The following DLG2 variants were observed in gnomAD, a reference collection of about 807,000 sequenced individuals.
DLG2 encodes the protein discs large MAGUK scaffold protein 2.
A neutral mutation model predicts 132.5 loss-of-function variants in DLG2; 45 were observed. The observed-to-expected ratio is 0.34, with a 90% CI of 0.27 to 0.44. The LOEUF is 0.44. DLG2 is among the 20% of genes least tolerant of loss of function. The pLI, the probability that DLG2 is intolerant of heterozygous loss-of-function variation, is 1.00. For missense variants in DLG2, 1,045 were observed against 1,196.9 expected (o/e 0.87, Z 1.87); for synonymous variants, 424 against 419.6 (o/e 1.01, Z -0.13).
At chr11:85,513,400 T>C (rs75017494) in intron 3 of DLG2, among the ~76,000 whole-genome samples, 5,399 of 151,952 alleles carry the variant, frequency 0.036, 146 homozygotes, top group Admixed American at 0.053. Flanking sequence ...AAGGTAAACA[T>C]TATGGATTTT....
intron 11 of DLG2, among the ~76,000 whole-genome samples, chr11:84,037,470 T>C (rs915977666): frequency 6.6e-6 from 1 of 152,136 alleles, no homozygotes; most frequent in African/African-American, 2.4e-5. Flanking sequence ...TTTGATTCAC[T>C]TTGGTTAATG....
chr11:85,376,804 T>A (rs1207091422), intron 3 of DLG2, among the ~76,000 whole-genome samples: 1 of 152,196 alleles, frequency 6.6e-6, no homozygotes, highest in Non-Finnish European at 1.5e-5. Flanking sequence ...GACTGTGGTA[T>A]GATAGTGAGA....
chr11:85,586,349 G>C (rs565921472), intron 3 of DLG2, among the ~76,000 whole-genome samples: 1 of 151,802 alleles, frequency 6.6e-6, no homozygotes, highest in Non-Finnish European at 1.5e-5. Context: ...ACTTTTTTTT[G>C]TTGGTAACTT....
chr11:85,506,886 T>C (rs968811185), intron 3 of DLG2, among the ~76,000 whole-genome samples: 1 of 151,996 alleles, frequency 6.6e-6, no homozygotes, highest in African/African-American at 2.4e-5. Flanking sequence ...ACTTGCTTTA[T>C]GAATCTGGGT....
Position 84,343,580 on chromosome 11 carries a change from G to A in DLG2, c.520-92289C>T, listed in dbSNP as rs145916138. Among the ~76,000 whole-genome samples, 12 of 152,274 alleles carry A rather than the reference G, an allele frequency of 7.9e-5. No homozygotes were observed. In the East Asian group the frequency reaches 1.7e-3, roughly 22 times the overall value. On this transcript the variant is annotated intron_variant, in intron 7 of 27. Transcript: ENST00000376104. ...GAAACATCAGATGTTTAACACACAC[G>A]GAGCATTTGGAGAAGTGTTCAACAG...
At chr11:84,029,528 A>T (rs2095633835) in intron 11 of DLG2, among the ~76,000 whole-genome samples, 1 of 152,142 alleles carries the variant, frequency 6.6e-6, no homozygotes. Context: ...TAAATCATAG[A>T]GTATTAGTTG....
In DLG2 at chr11:83,806,332, A is replaced by G. The variant is rs556766904; in HGVS notation, c.1723-19540T>C. Among the ~76,000 whole-genome samples, 100 of 152,206 alleles carry G rather than the reference A, an allele frequency of 6.6e-4. 1 individual carries two copies. The highest frequency in any genetic ancestry group is 9.0e-4 in the Non-Finnish European group (61 of 68,030). On this transcript the variant is annotated intron_variant, in intron 17 of 27. Coordinates refer to ENST00000376104, the MANE Select transcript of DLG2 (RefSeq NM_001142699.3). ...GCAAGTAAACTGTGAACATCTTTCT[A>G]TCTTAACCTTCAGGTAACCACTGAT...
intron 6 of DLG2, among the ~76,000 whole-genome samples, chr11:85,001,638 A>AT (rs2058222348): frequency 6.6e-6 from 1 of 152,166 alleles, no homozygotes; most frequent in African/African-American, 2.4e-5. Flanking sequence ...AGCACAGAGG[A>AT]TTTTTTAAGG....
intron 18 of DLG2, among the ~76,000 whole-genome samples, chr11:83,673,970 C>T (rs997408062): frequency 6.6e-6 from 1 of 152,218 alleles, no homozygotes; most frequent in Non-Finnish European, 1.5e-5. Context: ...TCTCCTTTAC[C>T]ACTTTTTAAA....
chr11:84,824,880 G>C (rs1241414967), intron 6 of DLG2, among the ~76,000 whole-genome samples: 1 of 151,796 alleles, frequency 6.6e-6, no homozygotes, highest in Non-Finnish European at 1.5e-5. Flanking sequence ...CTCCCCCTCA[G>C]CCACATCTCC....
At chr11:84,901,013 G>A (rs2090815672) in intron 6 of DLG2, among the ~76,000 whole-genome samples, 2 of 151,638 alleles carry the variant, frequency 1.3e-5, no homozygotes. Context: ...CAGATACTTA[G>A]CGAGTCCATA....
intron 17 of DLG2, among the ~76,000 whole-genome samples, chr11:83,819,376 A>G (rs1482538376): frequency 6.9e-6 from 1 of 145,774 alleles, no homozygotes; most frequent in Non-Finnish European, 1.5e-5. Flanking sequence ...AGGCTGAGGC[A>G]GGAGAATTGC....
At chr11:84,503,945 C>T (rs1009393912) in intron 7 of DLG2, among the ~76,000 whole-genome samples, 1 of 152,186 alleles carries the variant, frequency 6.6e-6, no homozygotes, top group African/African-American at 2.4e-5. Flanking sequence ...TTTCCCTACA[C>T]TGCACTCTGA....
At chr11:84,072,446 T>C (rs926835607) in intron 10 of DLG2, among the ~76,000 whole-genome samples, 55 of 152,256 alleles carry the variant, frequency 3.6e-4, no homozygotes, top group African/African-American at 1.3e-3. Context: ...TCAATATAAG[T>C]GCTATGGCAA....
At chr11:84,069,757 A>C (rs554061723) in intron 10 of DLG2, among the ~76,000 whole-genome samples, 41 of 152,374 alleles carry the variant, frequency 2.7e-4, no homozygotes, top group African/African-American at 9.9e-4. Flanking sequence ...CTATTTCAGC[A>C]TCAGTGATTG....
At chr11:84,204,351 T>C (rs1187780527) in intron 8 of DLG2, among the ~76,000 whole-genome samples, 4 of 152,196 alleles carry the variant, frequency 2.6e-5, no homozygotes, top group Admixed American at 1.3e-4. Context: ...TACAGTACAA[T>C]AAATTTCTTA....
At chr11:84,957,791 C>A (rs1450224137) in intron 6 of DLG2, among the ~76,000 whole-genome samples, 1 of 152,170 alleles carries the variant, frequency 6.6e-6, no homozygotes, top group African/African-American at 2.4e-5. Context: ...TTAAGACTCA[C>A]GTGTATCATC....
intron 22 of DLG2, among the ~76,000 whole-genome samples, chr11:83,479,052 A>G (rs1460938216): frequency 6.6e-6 from 1 of 152,094 alleles, no homozygotes; most frequent in Non-Finnish European, 1.5e-5. Flanking sequence ...GAATTCTTCC[A>G]TCAACAAGAA....
chr11:84,904,790 A>G (rs941765737), intron 6 of DLG2, among the ~76,000 whole-genome samples: 4 of 152,234 alleles, frequency 2.6e-5, no homozygotes, highest in Non-Finnish European at 4.4e-5. Context: ...AGGCCCTGCC[A>G]AAGTCTGAAT....
Sources: allele counts gnomAD v4.1 joint callset (sites outside exome capture counted in the v4.1 genomes callset), GRCh38; gene constraint gnomAD v4.1.1; transcripts MANE v1.5; gene names NCBI Gene and HGNC (gene_info 2026-07-23, HGNC 2026-07-21).